SLC6A3: variants seen among roughly 807,000 people sequenced by gnomAD.
SLC6A3 encodes sodium-dependent dopamine transporter.
SLC6A3 carries 19 observed loss-of-function variants against 70.4 expected under a neutral mutation model. The observed-to-expected ratio is 0.27, with a 90% confidence interval of 0.19 to 0.40. The LOEUF (loss-of-function observed/expected upper bound fraction) is 0.40. Ranked by LOEUF, SLC6A3 falls within the 10% of genes least tolerant of loss-of-function variation. The pLI, the probability that SLC6A3 is intolerant of heterozygous loss-of-function variation, is 1.00. For missense variants in SLC6A3, 613 were observed against 838.5 expected (o/e 0.73, Z 3.32); for synonymous variants, 368 against 356.6 (o/e 1.03, Z -0.36).
chr5:1,415,538 G>A (rs956502873), intron 7 of SLC6A3, among the ~76,000 whole-genome samples: 13 of 152,208 alleles, frequency 8.5e-5, no homozygotes, highest in Non-Finnish European at 1.2e-4. Context: ...TATTTTTACC[G>A]TGTTTCTAGC....
At chr5:1,412,804 C>T (rs574045736) in intron 8 of SLC6A3, among the ~76,000 whole-genome samples, 12 of 152,236 alleles carry the variant, frequency 7.9e-5, no homozygotes, top group Non-Finnish European at 1.8e-4. Flanking sequence ...GAGCCAGGGG[C>T]CGTTCCTAAA....
In SLC6A3 at chr5:1,416,175, C is replaced by G; in HGVS notation, c.954G>C (p.Val318=). ...CGAACCCCACGCCCAGGGAGAAGCA[C>G]ACCTGGGTGGCCGCGTCAATCCAAA... ...ASVWIDAATQ[V]CFSLGVGFGV... is the part of the protein sequence containing the mutation. The change falls in exon 7 of 15, where the codon GTG becomes GTC. Residue 318 remains valine, a synonymous_variant. Transcript: ENST00000270349. 1 of 1,613,778 alleles carries G rather than the reference C, an allele frequency of 6.2e-7. No individual in the cohort carries two copies. Among genetic ancestry groups the G allele is most frequent in the Non-Finnish European group, 8.5e-7 (1 of 1,179,940 alleles).
chr5:1,425,641 A>G (rs1560920444), intron 4 of SLC6A3, among the ~76,000 whole-genome samples: 1 of 152,264 alleles, frequency 6.6e-6, no homozygotes, highest in Non-Finnish European at 1.5e-5. Context: ...TTTCTTAGAT[A>G]TGACACAAAA....
chr5:1,405,570 CT>C lies in SLC6A3; in HGVS notation c.1599+617del, dbSNP rs968769628. On this transcript the variant is annotated intron_variant, in intron 12 of 14. Transcript: ENST00000270349. The surrounding 1 kb of genome is among the most constrained non-coding windows in gnomAD (Gnocchi z 5.3). ...AGCTTTGCTTTGTGAGCCTCCAGGC[CT>C]CTGTGGTTCAGTGGGGGAAGCACTG... Among the ~76,000 whole-genome samples the C allele has an allele frequency of 1.3e-5, 2 of 152,238 alleles. No individual in the cohort carries two copies. The highest frequency in any genetic ancestry group is 4.8e-5 in the African/African-American group (2 of 41,460).
intron 10 of SLC6A3, 63 bp downstream of exon 10, chr5:1,409,658 C>T (rs150541873): frequency 1.9e-5 from 30 of 1,599,670 alleles, no homozygotes; most frequent in African/African-American, 8.0e-5. Flanking sequence ...CCAGCCAGGG[C>T]GCCCCGTGCC....
At chr5:1,433,852 C>T (rs1756767400) in intron 3 of SLC6A3, among the ~76,000 whole-genome samples, 1 of 152,188 alleles carries the variant, frequency 6.6e-6, no homozygotes, top group South Asian at 2.1e-4. Flanking sequence ...CACAGCCATC[C>T]ATAGTCATCC....
At chr5:1,445,002 G>C (rs1733768002) in intron 1 of SLC6A3, among the ~76,000 whole-genome samples, 1 of 152,182 alleles carries the variant, frequency 6.6e-6, no homozygotes, top group African/African-American at 2.4e-5. Context: ...ACCCCTAGTA[G>C]GGTTAAGTTC....
At position 1,437,110 on chromosome 5, in the gene SLC6A3, G is replaced by C. The variant is rs955063370; in HGVS notation, c.418+4249C>G. On this transcript the variant is annotated intron_variant, in intron 3 of 14. Transcript: ENST00000270349. The surrounding 1 kb of genome is among the most constrained non-coding windows in gnomAD (Gnocchi z 4.8). ...ACTAAAAATACAAAAAATTAGCGGG[G>C]CGTGGTGGCACGCACCTGTAGCCCC... 6.6e-6 allele frequency among the ~76,000 whole-genome samples: 1 copy of C among 152,116 alleles called. No homozygotes were observed. Among genetic ancestry groups the C allele is most frequent in the Non-Finnish European group, 1.5e-5 (1 of 68,020 alleles).
At chr5:1,409,972 G>T in intron 9 of SLC6A3, 123 bp from the exon 10 acceptor site, 1 of 1,229,734 alleles carries the variant, frequency 8.1e-7, no homozygotes, top group Non-Finnish European at 1.2e-6. Flanking sequence ...GGGGCCACAT[G>T]GCCGTCCAGG....
rs1245236644 is a variant in SLC6A3 at position 1,401,698 on chromosome 5, G to A, written c.1768-712C>T. Among the ~76,000 whole-genome samples the A allele has an allele frequency of 6.6e-6, 1 of 151,876 alleles. No homozygotes were observed. The highest frequency in any genetic ancestry group is 1.5e-5 in the Non-Finnish European group (1 of 68,030). ...TTACGTTCAGAGTTTGGCCATGCGAGGGGTAAGGGCGCTGGCTGTTCAGGT... is the reference window on the plus strand; with the variant it reads ...TTACGTTCAGAGTTTGGCCATGCGAAGGGTAAGGGCGCTGGCTGTTCAGGT... On this transcript the variant is annotated intron_variant, in intron 13 of 14. Coordinates refer to ENST00000270349, the MANE Select transcript of SLC6A3 (RefSeq NM_001044.5). This position sits in a 1 kb window ranked among gnomAD's most constrained non-coding sequence, Gnocchi z 6.1.
At position 1,411,296 on chromosome 5, in the gene SLC6A3, C is replaced by T. The variant is rs1402133250; in HGVS notation, c.1216G>A (p.Ala406Thr). Reference protein sequence around the residue: ...EAIATLPLSSAWAVVFFIMLL... With the variant: ...EAIATLPLSSTWAVVFFIMLL... ...ATGATGAAGAAGACCACGGCCCAGGCTGAGGACAGAGGGAGCGTGGCGATG... is the reference window on the plus strand; with the variant it reads ...ATGATGAAGAAGACCACGGCCCAGGTTGAGGACAGAGGGAGCGTGGCGATG... The change falls in exon 9 of 15, where the codon GCC (alanine) becomes ACC (threonine). Residue 406 changes from alanine to threonine, a missense_variant. By Grantham distance (58) the Ala-to-Thr change is moderately conservative (BLOSUM62 0). Coordinates refer to ENST00000270349, the MANE Select transcript of SLC6A3 (RefSeq NM_001044.5). This position sits in a 1 kb window ranked among gnomAD's most constrained non-coding sequence, Gnocchi z 6.5. 2 of 1,555,340 alleles carry T rather than the reference C, an allele frequency of 1.3e-6. No homozygotes were observed. The highest frequency in any genetic ancestry group is 1.9e-5 in the Admixed American group (1 of 51,764).
intron 3 of SLC6A3, among the ~76,000 whole-genome samples, chr5:1,439,069 G>C (rs1756905946): frequency 1.3e-5 from 2 of 152,196 alleles, no homozygotes; most frequent in Non-Finnish European, 2.9e-5. Flanking sequence ...GTCTTGAACT[G>C]TTAGCCTGGG....
intron 4 of SLC6A3, among the ~76,000 whole-genome samples, chr5:1,424,222 TCAG>T (rs1756528077): frequency 6.6e-6 from 1 of 152,184 alleles, no homozygotes; most frequent in Non-Finnish European, 1.5e-5. Context: ...GGCAAGCCGC[TCAG>T]TCAAGAGGCT....
rs1203449050 is a variant in SLC6A3 at position 1,442,267 on chromosome 5, GC to G, written c.286+644del. ...TGGGCATAAAAATGCCAGCCTCCTC[GC>G]AGGCATCCTGTGAGGCTTCCCCCCA... On this transcript the variant is annotated intron_variant, in intron 2 of 14. Transcript: ENST00000270349. This position sits in a 1 kb window ranked among gnomAD's most constrained non-coding sequence, Gnocchi z 5.0. 6.6e-6 allele frequency among the ~76,000 whole-genome samples: 1 copy of G among 152,090 alleles called. No homozygotes were observed. The highest frequency in any genetic ancestry group is 6.5e-5 in the Admixed American group (1 of 15,276).
intron 4 of SLC6A3, among the ~76,000 whole-genome samples, chr5:1,427,800 A>G (rs1756605918): frequency 1.3e-5 from 2 of 152,248 alleles, no homozygotes; most frequent in Admixed American, 1.3e-4. Context: ...AAGACTAATA[A>G]TAATAAACAT....
In SLC6A3 at chr5:1,404,252, G is replaced by A. The variant is rs942153040; in HGVS notation, c.1600-1163C>T. ...TGGGGGCTGGGGTTGTGTCTGTCACGTGACCAGAGCCAGGGTGAGCAGCAC... is the reference window on the plus strand; with the variant it reads ...TGGGGGCTGGGGTTGTGTCTGTCACATGACCAGAGCCAGGGTGAGCAGCAC... On this transcript the variant is annotated intron_variant, in intron 12 of 14. Transcript: ENST00000270349. This position sits in a 1 kb window ranked among gnomAD's most constrained non-coding sequence, Gnocchi z 5.2. Among the ~76,000 whole-genome samples, 4 of 152,200 alleles carry A rather than the reference G, an allele frequency of 2.6e-5. No homozygotes were observed. The highest frequency in any genetic ancestry group is 5.9e-5 in the Non-Finnish European group (4 of 68,046).
Position 1,422,032 on chromosome 5 carries a change from C to T in SLC6A3, c.654-18G>A, listed in dbSNP as rs553404083. 159 of 1,606,856 alleles carry T rather than the reference C, an allele frequency of 9.9e-5. No individual in the cohort carries two copies. The highest frequency in any genetic ancestry group is 1.3e-4 in the Non-Finnish European group (153 of 1,178,428). ...CGCCACGTCTGCAGAGGGGAGTCAG[C>T]GGGGGACTCTGTGGGTGGCTGTCAA... On this transcript the variant is annotated intron_variant, in intron 4 of 14. Transcript: ENST00000270349.
intron 3 of SLC6A3, among the ~76,000 whole-genome samples, chr5:1,435,649 C>G (rs976430886): frequency 2.0e-5 from 3 of 152,262 alleles, no homozygotes; most frequent in Non-Finnish European, 4.4e-5. Flanking sequence ...ACACCAGAGT[C>G]CCCCTTACCA....
chr5:1,441,314 A>G (rs1482996519), intron 3 of SLC6A3, 45 bp downstream of exon 3: 1 of 1,612,948 alleles, frequency 6.2e-7, no homozygotes, highest in Non-Finnish European at 8.5e-7. Context: ...CGTCACCACC[A>G]TGATCCGCGC....
Sources: gnomAD v4.1 joint callset for allele counts (sites outside exome capture counted in the v4.1 genomes callset) on GRCh38, gnomAD v4.1.1 for gene constraint, Gnocchi (gnomAD v3.1) non-coding constraint, MANE v1.5 for transcripts, NCBI Gene and HGNC (gene_info 2026-07-23, HGNC 2026-07-21) for gene names.